NRCAM: variants seen among roughly 807,000 people sequenced by gnomAD.
NRCAM encodes the protein NgCAM-related cell adhesion molecule.
NRCAM carries 83 observed loss-of-function variants against 156.5 expected under a neutral mutation model. The observed-to-expected ratio is 0.53, with a 90% confidence interval of 0.44 to 0.64. The LOEUF (loss-of-function observed/expected upper bound fraction) is 0.64, where lower values mean the gene tolerates loss of function less well. Ranked by LOEUF, NRCAM falls within the 30% of genes least tolerant of loss-of-function variation. The probability of loss-of-function intolerance (pLI) is 0.00; values close to 1 mark genes in which losing one functional copy is unlikely to be tolerated. For synonymous variants in NRCAM, 538 were observed against 563.9 expected (o/e 0.95, Z 0.65); for missense variants, 1,417 against 1,597.3 (o/e 0.89, Z 1.92).
intron 1 of NRCAM, among the ~76,000 whole-genome samples, chr7:108,415,693 C>T (rs1800662927): frequency 6.6e-6 from 1 of 152,096 alleles, no homozygotes; most frequent in Non-Finnish European, 1.5e-5. Flanking sequence ...CCAGCCTGGC[C>T]AACATGGCAA....
At chr7:108,418,600 C>CAT (rs1003991781) in intron 1 of NRCAM, among the ~76,000 whole-genome samples, 3 of 147,268 alleles carry the variant, frequency 2.0e-5, no homozygotes, top group Non-Finnish European at 3.0e-5. Context: ...CACACACACA[C>CAT]GCACTGAAAG....
chr7:108,327,511 A>C (rs973445123), intron 2 of NRCAM, among the ~76,000 whole-genome samples: 3 of 152,130 alleles, frequency 2.0e-5, no homozygotes, highest in African/African-American at 4.8e-5. Context: ...GAGTATTTTC[A>C]GGGGTGTTTC....
At chr7:108,406,150 C>T (rs2099806910) in intron 1 of NRCAM, among the ~76,000 whole-genome samples, 1 of 151,544 alleles carries the variant, frequency 6.6e-6, no homozygotes, top group Non-Finnish European at 1.5e-5. Context: ...CTTAGGTGGT[C>T]CAAAGGAGAC....
intron 2 of NRCAM, among the ~76,000 whole-genome samples, chr7:108,344,114 T>A (rs565023494): frequency 6.6e-6 from 1 of 152,204 alleles, no homozygotes; most frequent in Admixed American, 6.5e-5. Flanking sequence ...GTTGGAGCGG[T>A]CATCGGCCAA....
intron 1 of NRCAM, among the ~76,000 whole-genome samples, chr7:108,454,632 C>G (rs925277303): frequency 6.6e-6 from 1 of 152,202 alleles, no homozygotes; most frequent in African/African-American, 2.4e-5. Context: ...AATATTTTAA[C>G]AGCAGGGCAT....
chr7:108,370,352 C>T (rs920221960), intron 2 of NRCAM, among the ~76,000 whole-genome samples: 1 of 152,126 alleles, frequency 6.6e-6, no homozygotes, highest in Admixed American at 6.6e-5. Context: ...TGCCAACTCT[C>T]TCAGATCCCT....
chr7:108,191,820 A>G lies in NRCAM; in HGVS notation c.1812T>C (p.Ala604=). Residue 604 remains alanine, a synonymous_variant, in exon 18 of 33, where the codon GCT becomes GCC. Transcript: ENST00000379028. The part of the protein sequence containing the change: ...FTVDKDHLVV[A]DVSDDDSGTY... The stretch of plus-strand genomic sequence containing the variant: ...TCCCGCTGTCATCGTCACTGACATC[A>G]GCTACCACTAGATGATCCTTGTCAA... 6.2e-6 allele frequency: 10 copies of G among 1,613,814 alleles called. No homozygotes were observed. The highest frequency in any genetic ancestry group is 8.5e-6 in the Non-Finnish European group (10 of 1,179,990).
chr7:108,348,576 G>A (rs1477489852), intron 2 of NRCAM, among the ~76,000 whole-genome samples: 1 of 151,940 alleles, frequency 6.6e-6, no homozygotes, highest in Non-Finnish European at 1.5e-5. Context: ...TAAATGAGGG[G>A]GAAAGGCTCC....
intron 3 of NRCAM, among the ~76,000 whole-genome samples, chr7:108,246,864 T>C (rs1273347157): frequency 1.3e-5 from 2 of 152,226 alleles, no homozygotes; most frequent in Non-Finnish European, 2.9e-5. Flanking sequence ...TCCATGCCCT[T>C]GCATAGTCAA....
intron 3 of NRCAM, among the ~76,000 whole-genome samples, chr7:108,278,269 C>A (rs2097717750): frequency 6.6e-6 from 1 of 152,206 alleles, no homozygotes; most frequent in South Asian, 2.1e-4. Flanking sequence ...CTGGTCTCTT[C>A]AGAGCTGTCA....
intron 1 of NRCAM, among the ~76,000 whole-genome samples, chr7:108,409,551 CCA>C (rs1027692116): frequency 7.0e-4 from 107 of 152,314 alleles, no homozygotes; most frequent in African/African-American, 2.5e-3. Flanking sequence ...GCGCATCACC[CCA>C]GTCTCCAGGC....
intron 3 of NRCAM, among the ~76,000 whole-genome samples, chr7:108,310,265 A>T (rs186503500): frequency 2.0e-5 from 3 of 152,214 alleles, no homozygotes; most frequent in African/African-American, 7.2e-5. Context: ...CAGAAAACTC[A>T]TTTTACGAAG....
intron 3 of NRCAM, among the ~76,000 whole-genome samples, chr7:108,305,331 G>A (rs1292125397): frequency 3.3e-5 from 5 of 152,146 alleles, no homozygotes; most frequent in East Asian, 1.9e-4. Context: ...CACTTGGAAC[G>A]TAGATATATT....
intron 2 of NRCAM, among the ~76,000 whole-genome samples, chr7:108,390,552 T>C (rs926594627): frequency 2.8e-4 from 42 of 152,300 alleles, no homozygotes; most frequent in Middle Eastern, 6.8e-3. Flanking sequence ...TTTTGAACAG[T>C]TTTTCGTGTC....
intron 2 of NRCAM, among the ~76,000 whole-genome samples, chr7:108,346,038 T>C (rs545117046): frequency 6.4e-4 from 98 of 152,310 alleles, no homozygotes; most frequent in African/African-American, 2.3e-3. Context: ...TCGATGGCTG[T>C]GTGGGGGACA....
At chr7:108,361,750 C>A (rs1161431007) in intron 2 of NRCAM, among the ~76,000 whole-genome samples, 1 of 152,018 alleles carries the variant, frequency 6.6e-6, no homozygotes, top group Non-Finnish European at 1.5e-5. Context: ...AGTGAGCCAG[C>A]CAAATCTCTT....
intron 1 of NRCAM, among the ~76,000 whole-genome samples, chr7:108,436,320 A>G (rs775178600): frequency 8.1e-4 from 124 of 152,340 alleles, no homozygotes; most frequent in Non-Finnish European, 1.2e-3. Flanking sequence ...AAACCAAGAA[A>G]CAAACAAATG....
intron 32 of NRCAM, chr7:108,150,602 A>ATT: frequency 4.6e-6 from 2 of 435,608 alleles, no homozygotes; most frequent in Non-Finnish European, 9.3e-6. Flanking sequence ...TGAAATGTGG[A>ATT]TTTTTTTTTT....
intron 17 of NRCAM, 127 bp from the exon 18 acceptor site, chr7:108,191,980 G>C (rs757851974): frequency 7.0e-6 from 7 of 1,004,770 alleles, no homozygotes; most frequent in African/African-American, 3.2e-5. Context: ...TCAAAAGTTA[G>C]AGCAAAATAC....
Sources: gnomAD v4.1 joint callset for allele counts (sites outside exome capture counted in the v4.1 genomes callset) on GRCh38, gnomAD v4.1.1 for gene constraint, MANE v1.5 for transcripts, NCBI Gene and HGNC (gene_info 2026-07-23, HGNC 2026-07-21) for gene names.